Variants in KMT5A observed in about 807,000 individuals in gnomAD.
KMT5A encodes the protein N-lysine methyltransferase KMT5A.
In KMT5A, 6 loss-of-function variants were observed where a neutral mutation model predicts 40.6. The ratio of observed to expected loss-of-function variants is 0.15; its 90% CI spans 0.08 to 0.29. KMT5A has a LOEUF of 0.29. Among genes scored for constraint, KMT5A ranks in the 10% least tolerant of loss-of-function variants. The pLI, the probability that KMT5A is intolerant of heterozygous loss-of-function variation, is 1.00. For missense variants in KMT5A, 308 were observed against 459.1 expected, an observed-to-expected ratio of 0.67 and a Z score of 3.01; for synonymous variants, 153 against 178.8, an observed-to-expected ratio of 0.86 and a Z score of 1.15.
chr12:123,394,985 G>T, intron 3 of KMT5A, 62 bp from the exon 4 acceptor site: 1 of 1,404,934 alleles, frequency 7.1e-7, no homozygotes, highest in Non-Finnish European at 9.8e-7. Context: ...AATGCAGCTG[G>T]TCGTCTGGAA....
intron 5 of KMT5A, among the ~76,000 whole-genome samples, chr12:123,399,457 C>T (rs1026072687): frequency 9.2e-5 from 14 of 152,236 alleles, no homozygotes; most frequent in African/African-American, 2.4e-5. Context: ...TCCTACCTGC[C>T]GTGTTTGGTC....
chr12:123,396,299 G>T, intron 4 of KMT5A, 46 bp from the exon 5 acceptor site: 1 of 1,594,280 alleles, frequency 6.3e-7, no homozygotes, highest in Non-Finnish European at 8.6e-7. Flanking sequence ...GTGCCTCCAG[G>T]TTTTCAGTCC....
At chr12:123,396,534 A>C in intron 5 of KMT5A, 102 bp downstream of exon 5, 1 of 1,090,076 alleles carries the variant, frequency 9.2e-7, no homozygotes, top group South Asian at 1.3e-5. Context: ...TGTTTTCGTC[A>C]TCTTGGAGCA....
At chr12:123,386,210 A>ATTTTTTTT (rs59509232) in intron 1 of KMT5A, among the ~76,000 whole-genome samples, 1 of 79,838 alleles carries the variant, frequency 1.3e-5, no homozygotes, top group Non-Finnish European at 2.5e-5. Flanking sequence ...TTAGATTTAG[A>ATTTTTTTT]TTTTTTTTTT....
chr12:123,390,671 G>C lies in KMT5A; in HGVS notation c.174G>C (p.Met58Ile), dbSNP rs1877238116. The C allele has an allele frequency of 6.2e-7, 1 of 1,613,788 alleles. No individual in the cohort carries two copies. The change falls in exon 3 of 8, where the codon ATG (methionine) becomes ATC (isoleucine). Residue 58 changes from methionine to isoleucine, a missense_variant. Met to Ile is a conservative substitution (Grantham distance 10, BLOSUM62 1). This residue lies in a region of KMT5A where 92 missense variants were observed against 78.3 expected (regional missense o/e 1.18). Coordinates refer to ENST00000402868, the MANE Select transcript of KMT5A (RefSeq NM_020382.7). ...GGCAGTCAAAGATCTATTCCTACATGAGCCCGAACAAATGCTCTGGAATGC... is the reference window on the plus strand; with the variant it reads ...GGCAGTCAAAGATCTATTCCTACATCAGCCCGAACAAATGCTCTGGAATGC... ...FTGQSKIYSY[M>I]SPNKCSGMRF...
At chr12:123,406,659 C>T (rs1878577855) in intron 7 of KMT5A, among the ~76,000 whole-genome samples, 1 of 152,036 alleles carries the variant, frequency 6.6e-6, no homozygotes. Flanking sequence ...TCTACCATTT[C>T]CTCCTGTGCC....
chr12:123,403,863 T>C (rs1878352650), intron 6 of KMT5A, among the ~76,000 whole-genome samples: 1 of 152,232 alleles, frequency 6.6e-6, no homozygotes, highest in Non-Finnish European at 1.5e-5. Context: ...GGGAAGCTTT[T>C]CTTAGAAATT....
chr12:123,405,551 G>C (rs1397764744), intron 7 of KMT5A, among the ~76,000 whole-genome samples: 4 of 104,872 alleles, frequency 3.8e-5, no homozygotes, highest in Non-Finnish European at 3.5e-5. Flanking sequence ...TTTGAATCTC[G>C]ATCTGTCGCC....
rs146057218 is a variant in KMT5A at position 123,395,633 on chromosome 12, C to T, written c.509+367C>T. 3.8e-3 allele frequency among the ~76,000 whole-genome samples: 566 copies of T among 149,702 alleles called. 3 individuals carry two copies. The highest frequency in any genetic ancestry group is 0.013 in the African/African-American group (517 of 40,702). ...AGGCTGGAGTGCAATAGTGCGATCT[C>T]GGCTCACTGCAAACACCACCTCCTG... On this transcript the variant is annotated intron_variant, in intron 4 of 7. Coordinates refer to ENST00000402868, the MANE Select transcript of KMT5A (RefSeq NM_020382.7).
chr12:123,389,122 C>T, intron 1 of KMT5A: 1 of 132,202 alleles, frequency 7.6e-6, no homozygotes, highest in African/African-American at 2.7e-5. Flanking sequence ...GGCGCCGCGG[C>T]GGCGCTGGTG....
intron 5 of KMT5A, among the ~76,000 whole-genome samples, chr12:123,400,251 G>T (rs973032643): frequency 6.0e-5 from 9 of 150,678 alleles, no homozygotes; most frequent in Non-Finnish European, 1.0e-4. Context: ...TAGCCAGGAT[G>T]GTCTCGATCT....
Position 123,408,061 on chromosome 12 carries a change from C to T in KMT5A, c.*358C>T. 1 of 244,504 alleles carries T rather than the reference C, an allele frequency of 4.1e-6. No homozygotes were observed. The highest frequency in any genetic ancestry group is 8.1e-6 in the Non-Finnish European group (1 of 123,586). The allele number at this position is 244,504 out of a possible 1,614,324, so 15.1% of individuals were successfully genotyped here. Reference sequence around the variant, plus strand: ...AGGAAGCCAGGTGAGTCTCCTTTCTCCAGTGGAAGAGCCGGGACCTTCCCC... The same window carrying T: ...AGGAAGCCAGGTGAGTCTCCTTTCTTCAGTGGAAGAGCCGGGACCTTCCCC... On this transcript the variant is annotated 3_prime_UTR_variant, in exon 8 of 8. Coordinates refer to ENST00000402868, the MANE Select transcript of KMT5A (RefSeq NM_020382.7).
At chr12:123,402,201 C>T (rs575409055) in intron 5 of KMT5A, among the ~76,000 whole-genome samples, 2 of 152,334 alleles carry the variant, frequency 1.3e-5, no homozygotes, top group African/African-American at 4.8e-5. Context: ...TTTTAAAAGA[C>T]CCCTCTGGCT....
intron 3 of KMT5A, among the ~76,000 whole-genome samples, chr12:123,394,150 T>C (rs1307876983): frequency 2.2e-5 from 3 of 138,488 alleles, no homozygotes; most frequent in Non-Finnish European, 4.6e-5. Flanking sequence ...TTCGCCCAGG[T>C]TGGAGTGCAA....
chr12:123,407,432 C>T, intron 7 of KMT5A, 61 bp from the exon 8 acceptor site: 1 of 1,500,380 alleles, frequency 6.7e-7, no homozygotes, highest in South Asian at 1.2e-5. Flanking sequence ...AAGTGTGACT[C>T]TCTTCAGGTT....
chr12:123,402,080 A>T (rs1878223995), intron 5 of KMT5A, among the ~76,000 whole-genome samples: 1 of 151,986 alleles, frequency 6.6e-6, no homozygotes, highest in Non-Finnish European at 1.5e-5. Flanking sequence ...CAGGGTCTGG[A>T]TCTGTTGCTT....
intron 3 of KMT5A, among the ~76,000 whole-genome samples, chr12:123,394,198 G>C (rs1374024092): frequency 6.8e-6 from 1 of 146,010 alleles, no homozygotes; most frequent in Non-Finnish European, 1.5e-5. Flanking sequence ...CCGCCTCCCA[G>C]GTTCAAGCAG....
intron 4 of KMT5A, 92 bp from the exon 5 acceptor site, chr12:123,396,253 G>A (rs1411332998): frequency 8.5e-7 from 1 of 1,173,310 alleles, no homozygotes; most frequent in Non-Finnish European, 1.3e-6. Context: ...CCAAGGAGCT[G>A]TGTGCCTCCT....
In KMT5A at chr12:123,384,265, G is replaced by A; in HGVS notation, c.10+57G>A. The A allele has an allele frequency of 1.2e-6, 2 of 1,604,426 alleles. No individual in the cohort carries two copies. The highest frequency in any genetic ancestry group is 1.7e-6 in the Non-Finnish European group (2 of 1,176,792). ...CTGGGTCGGGGGTCGTGCTGGAGGG[G>A]TTGCCGGGGTGGAGGCAGCGGCTGC... On this transcript the variant is annotated intron_variant, in intron 1 of 7. Coordinates refer to ENST00000402868, the MANE Select transcript of KMT5A (RefSeq NM_020382.7). The surrounding 1 kb of genome is among the most constrained non-coding windows in gnomAD (Gnocchi z 5.7).
Sources: gnomAD v4.1 joint callset for allele counts (sites outside exome capture counted in the v4.1 genomes callset) on GRCh38, gnomAD v4.1.1 for gene constraint, gnomAD v4.1.1 regional missense constraint, Gnocchi (gnomAD v3.1) non-coding constraint, MANE v1.5 for transcripts, NCBI Gene and HGNC (gene_info 2026-07-23, HGNC 2026-07-21) for gene names.